ACTR3C: variants seen among roughly 807,000 people sequenced by gnomAD.
ACTR3C encodes the protein actin related protein 3C.
A neutral mutation model predicts 26.3 loss-of-function variants in ACTR3C; 18 were observed. The observed-to-expected ratio is 0.68, with a 90% CI of 0.47 to 1.01. The LOEUF (loss-of-function observed/expected upper bound fraction) is 1.01. Ranked by LOEUF, ACTR3C falls within the 50% of genes least tolerant of loss-of-function variation. ACTR3C has a pLI of 0.00. For missense variants in ACTR3C, 184 were observed against 250.7 expected, an observed-to-expected ratio of 0.73 and a Z score of 1.80; for synonymous variants, 55 against 94.5, an observed-to-expected ratio of 0.58 and a Z score of 2.42.
chr7:150,078,331 T>G, the ACTR3C span, among the ~76,000 whole-genome samples: 294 of 147,232 alleles, frequency 2.0e-3, no homozygotes, highest in Non-Finnish European at 3.8e-3. Context: ...AATGTCTCAC[T>G]TGCCATGGTC....
chr7:150,257,402 A>T (rs1833296792), intron 6 of ACTR3C, among the ~76,000 whole-genome samples: 1 of 152,206 alleles, frequency 6.6e-6, no homozygotes. Flanking sequence ...CAGGTGAGAA[A>T]AGGACTGAGA....
chr7:150,095,743 A>G, the ACTR3C span, among the ~76,000 whole-genome samples: 1 of 150,410 alleles, frequency 6.6e-6, no homozygotes, highest in Non-Finnish European at 1.5e-5. Context: ...CTGTAAAACC[A>G]TTAACAACTA....
At chr7:150,037,122 C>A in the ACTR3C span, among the ~76,000 whole-genome samples, 6 of 83,658 alleles carry the variant, frequency 7.2e-5, no homozygotes, top group South Asian at 4.1e-4. Flanking sequence ...GGAAGAGGGA[C>A]TGGCTCTCAG....
chr7:150,004,911 G>A, the ACTR3C span: 1 of 152,214 alleles, frequency 6.6e-6, no homozygotes, highest in Non-Finnish European at 1.5e-5. Flanking sequence ...ACACACACTG[G>A]AGGCCTGGGT....
chr7:149,961,313 GAGGA>G, the ACTR3C span, among the ~76,000 whole-genome samples: 7 of 151,918 alleles, frequency 4.6e-5, no homozygotes, highest in East Asian at 1.4e-3. Context: ...ATTGCACAGA[GAGGA>G]AGTATGTGTT....
At chr7:150,034,813 T>TG in the ACTR3C span, among the ~76,000 whole-genome samples, 1,624 of 128,418 alleles carry the variant, frequency 0.013, 33 homozygotes, top group African/African-American at 0.024. Flanking sequence ...CCCCGCCTCG[T>TG]GGGGGGTGCC....
At chr7:149,981,845 C>T in the ACTR3C span, among the ~76,000 whole-genome samples, 4 of 152,212 alleles carry the variant, frequency 2.6e-5, no homozygotes, top group Non-Finnish European at 5.9e-5. Flanking sequence ...CCCAGGTTTA[C>T]ACCTCATAAC....
chr7:150,259,341 AAGAC>A (rs200380691), intron 6 of ACTR3C, among the ~76,000 whole-genome samples: 341 of 152,178 alleles, frequency 2.2e-3, no homozygotes, highest in African/African-American at 7.3e-3. Context: ...GAAAGAAAGA[AAGAC>A]AGAGAAAGAA....
At chr7:150,147,742 C>T in the ACTR3C span, among the ~76,000 whole-genome samples, 13 of 151,974 alleles carry the variant, frequency 8.6e-5, no homozygotes, top group African/African-American at 2.9e-4. Flanking sequence ...CTGTCACCCT[C>T]GTTCAACCAC....
the ACTR3C span, among the ~76,000 whole-genome samples, chr7:149,930,216 G>A: frequency 6.6e-6 from 1 of 152,184 alleles, no homozygotes; most frequent in African/African-American, 2.4e-5. Flanking sequence ...AATCCGTACT[G>A]TATGTAGGAT....
At chr7:149,990,040 G>A in the ACTR3C span, among the ~76,000 whole-genome samples, 31 of 152,066 alleles carry the variant, frequency 2.0e-4, no homozygotes, top group African/African-American at 6.5e-4. Context: ...CCTCACTTCC[G>A]GAGGCCCCTG....
the ACTR3C span, among the ~76,000 whole-genome samples, chr7:149,886,865 T>C: frequency 1.3e-5 from 2 of 149,788 alleles, no homozygotes; most frequent in African/African-American, 2.5e-5. Context: ...GAAGGCGAGG[T>C]AGGGGAAATA....
At chr7:149,938,934 T>C in the ACTR3C span, among the ~76,000 whole-genome samples, 4 of 81,330 alleles carry the variant, frequency 4.9e-5, no homozygotes, top group Non-Finnish European at 1.1e-4. Context: ...TATATGTATA[T>C]ATAAATATAT....
chr7:150,100,383 A>G, the ACTR3C span, among the ~76,000 whole-genome samples: 167 of 151,714 alleles, frequency 1.1e-3, 7 homozygotes, highest in South Asian at 0.033. Context: ...AACCCCATCT[A>G]TTGCTGGGCT....
the ACTR3C span, among the ~76,000 whole-genome samples, chr7:150,023,166 T>TATAG: frequency 1.4e-5 from 1 of 71,056 alleles, no homozygotes; most frequent in Admixed American, 1.4e-4. Context: ...GATATCTATA[T>TATAG]AGATATATAG....
the ACTR3C span, among the ~76,000 whole-genome samples, chr7:150,128,908 A>AGACC: frequency 1.3e-5 from 2 of 151,596 alleles, no homozygotes; most frequent in Non-Finnish European, 2.9e-5. Context: ...GAAAGCTTCC[A>AGACC]GACCACAGCC....
chr7:150,224,391 A>T, the ACTR3C span, among the ~76,000 whole-genome samples: 1,475 of 152,326 alleles, frequency 9.7e-3, 26 homozygotes, highest in Non-Finnish European at 0.013. Flanking sequence ...TATCATCAGA[A>T]ACAGTTTCAT....
At chr7:150,320,044 T>C (rs1797341091) in intron 1 of ACTR3C, among the ~76,000 whole-genome samples, 1 of 152,238 alleles carries the variant, frequency 6.6e-6, no homozygotes, top group South Asian at 2.1e-4. Context: ...AGAAACTCCT[T>C]GTTTTAGAGT....
At chr7:150,038,610 T>C in the ACTR3C span, among the ~76,000 whole-genome samples, 1 of 145,592 alleles carries the variant, frequency 6.9e-6, no homozygotes, top group Non-Finnish European at 1.5e-5. Flanking sequence ...ACCTGCTTTC[T>C]TTCTGTTCCC....
Sources: gnomAD v4.1 joint callset for allele counts (sites outside exome capture counted in the v4.1 genomes callset) on GRCh38, gnomAD v4.1.1 for gene constraint, MANE v1.5 for transcripts, NCBI Gene and HGNC (gene_info 2026-07-23, HGNC 2026-07-21) for gene names.